ARHGAP39: variants seen among roughly 807,000 people sequenced by gnomAD.
ARHGAP39 encodes the protein rho GTPase-activating protein 39.
Under a neutral mutation model 106.9 loss-of-function variants are expected in ARHGAP39, and 44 were observed. That is an observed-to-expected ratio of 0.41 (90% CI 0.32 to 0.53). The LOEUF is 0.53. ARHGAP39 is among the 20% of genes least tolerant of loss of function. The pLI, the probability that ARHGAP39 is intolerant of heterozygous loss-of-function variation, is 0.21. For synonymous variants in ARHGAP39, 768 were observed against 693.2 expected, an observed-to-expected ratio of 1.11 and a Z score of -1.69; for missense variants, 1,496 against 1,577.3, an observed-to-expected ratio of 0.95 and a Z score of 0.87.
intron 4 of ARHGAP39, among the ~76,000 whole-genome samples, chr8:144,551,355 TAAG>T (rs1009216088): frequency 4.6e-5 from 7 of 151,926 alleles, no homozygotes; most frequent in Non-Finnish European, 1.0e-4. Context: ...TGAAGAAAGG[TAAG>T]AAGGCCAGAG....
rs1347508415 is a variant in ARHGAP39, at chr8:144,548,816, A to T, written c.597-327T>A. Among the ~76,000 whole-genome samples, 1 of 152,148 alleles carries T rather than the reference A, an allele frequency of 6.6e-6. No individual in the cohort carries two copies. ...ATGTGGGTGCTGTGCGGGTGTCTCCAGAGCTGCCTGAGCCGCCGGGCAGGC... is the reference window on the plus strand; with the variant it reads ...ATGTGGGTGCTGTGCGGGTGTCTCCTGAGCTGCCTGAGCCGCCGGGCAGGC... On this transcript the variant is annotated intron_variant, in intron 4 of 11. Coordinates refer to ENST00000377307, the MANE Select transcript of ARHGAP39 (RefSeq NM_025251.3). The surrounding 1 kb of genome is among the most constrained non-coding windows in gnomAD (Gnocchi z 7.4).
In ARHGAP39 at chr8:144,602,762, G is replaced by C. The variant is rs964884524; in HGVS notation, c.80+2773C>G. Among the ~76,000 whole-genome samples, 9 of 142,468 alleles carry C rather than the reference G, an allele frequency of 6.3e-5. No individual in the cohort carries two copies. In the Admixed American group the frequency reaches 6.5e-4, roughly 10 times the overall value. 93.5% of individuals were successfully genotyped at this position (142,468 alleles called of 152,430 possible). ...CATGGAGGCGTGTGTGTGAGCTCGT[G>C]TACCTGTGTGTATGTGCATGGAGGC... On this transcript the variant is annotated intron_variant, in intron 2 of 11. Coordinates refer to ENST00000377307, the MANE Select transcript of ARHGAP39 (RefSeq NM_025251.3).
chr8:144,694,713 T>C, the ARHGAP39 span, among the ~76,000 whole-genome samples: 1 of 152,200 alleles, frequency 6.6e-6, no homozygotes, highest in Non-Finnish European at 1.5e-5. Flanking sequence ...GCTGTTTTCA[T>C]GGCAGTGCGG....
chr8:144,658,513 G>C (rs1390208766), intron 1 of ARHGAP39, among the ~76,000 whole-genome samples: 1 of 152,200 alleles, frequency 6.6e-6, no homozygotes, highest in Non-Finnish European at 1.5e-5. Context: ...GACCTCAGGT[G>C]ATCTGCTCGC....
intron 1 of ARHGAP39, among the ~76,000 whole-genome samples, chr8:144,620,841 G>A (rs1027578542): frequency 1.4e-4 from 21 of 152,258 alleles, no homozygotes; most frequent in Admixed American, 1.2e-3. Context: ...AAGAGGGGCC[G>A]TGAGGACCGG....
At chr8:144,681,612 C>A (rs951202280) in intron 1 of ARHGAP39, among the ~76,000 whole-genome samples, 2 of 152,198 alleles carry the variant, frequency 1.3e-5, no homozygotes, top group Non-Finnish European at 2.9e-5. Flanking sequence ...ATTCTCTGAA[C>A]TACTATTGAT....
intron 1 of ARHGAP39, among the ~76,000 whole-genome samples, chr8:144,642,766 T>A (rs1821345241): frequency 6.6e-6 from 1 of 152,180 alleles, no homozygotes; most frequent in East Asian, 1.9e-4. Context: ...TGGTGAGGCC[T>A]CCCCAACTGT....
chr8:144,649,064 T>C (rs946535854), intron 1 of ARHGAP39, among the ~76,000 whole-genome samples: 6 of 150,822 alleles, frequency 4.0e-5, no homozygotes, highest in Non-Finnish European at 7.4e-5. Flanking sequence ...TGAGCAGGAG[T>C]TGGCTTCTTG....
At chr8:144,583,274 T>C (rs921111155) in intron 2 of ARHGAP39, among the ~76,000 whole-genome samples, 37 of 152,258 alleles carry the variant, frequency 2.4e-4, no homozygotes, top group African/African-American at 8.0e-4. Context: ...TCCTTTTATT[T>C]TTAAAGTTTT....
chr8:144,594,933 T>G (rs1465388230), intron 2 of ARHGAP39, among the ~76,000 whole-genome samples: 1 of 151,998 alleles, frequency 6.6e-6, no homozygotes, highest in African/African-American at 2.4e-5. Context: ...TCTCGGCACT[T>G]TGGGAGGCCG....
intron 1 of ARHGAP39, among the ~76,000 whole-genome samples, chr8:144,607,284 G>C (rs1233783279): frequency 6.7e-6 from 1 of 149,566 alleles, no homozygotes; most frequent in Admixed American, 6.6e-5. Context: ...AATGCACAGA[G>C]TACAGTTGCC....
chr8:144,632,291 T>G (rs1291165512), intron 1 of ARHGAP39, among the ~76,000 whole-genome samples: 5 of 152,078 alleles, frequency 3.3e-5, no homozygotes, highest in Admixed American at 2.0e-4. Flanking sequence ...CCACCTCCCG[T>G]CACTTGTCCA....
At chr8:144,566,314 C>T (rs1229023156) in intron 3 of ARHGAP39, among the ~76,000 whole-genome samples, 4 of 151,394 alleles carry the variant, frequency 2.6e-5, no homozygotes, top group Non-Finnish European at 5.9e-5. Context: ...CCTGCAAATC[C>T]AGTGCTTTGG....
At chr8:144,648,677 C>G (rs1645917272) in intron 1 of ARHGAP39, among the ~76,000 whole-genome samples, 1 of 152,228 alleles carries the variant, frequency 6.6e-6, no homozygotes, top group Non-Finnish European at 1.5e-5. Flanking sequence ...AGAGCCAGCT[C>G]AACCCTAGCT....
chr8:144,530,943 G>C, intron 10 of ARHGAP39, 72 bp from the exon 11 acceptor site: 1 of 1,518,848 alleles, frequency 6.6e-7, no homozygotes. Context: ...TCCCGTGGCG[G>C]ACATGCATGG....
chr8:144,594,957 G>A (rs1819554122), intron 2 of ARHGAP39, among the ~76,000 whole-genome samples: 1 of 152,086 alleles, frequency 6.6e-6, no homozygotes. Flanking sequence ...TGGGAGGATC[G>A]CTTCAGCCTG....
At chr8:144,546,403 T>C (rs1817423120) in intron 5 of ARHGAP39, among the ~76,000 whole-genome samples, 1 of 152,072 alleles carries the variant, frequency 6.6e-6, no homozygotes, top group Non-Finnish European at 1.5e-5. Context: ...TGCTCTGAGT[T>C]CTCCACCCTG....
intron 7 of ARHGAP39, 34 bp downstream of exon 7, chr8:144,537,687 C>T (rs556748601): frequency 2.0e-5 from 32 of 1,595,080 alleles, no homozygotes; most frequent in African/African-American, 9.4e-5. Flanking sequence ...GCTGTGCAGA[C>T]GCCGCGCCCA....
chr8:144,600,130 T>A (rs1292362801), intron 2 of ARHGAP39, among the ~76,000 whole-genome samples: 1 of 148,914 alleles, frequency 6.7e-6, no homozygotes, highest in African/African-American at 2.5e-5. Flanking sequence ...TAGAGACGAG[T>A]GTGCGAGCTC....
Sources: allele counts gnomAD v4.1 joint callset (sites outside exome capture counted in the v4.1 genomes callset), GRCh38; gene constraint gnomAD v4.1.1; non-coding constraint Gnocchi (gnomAD v3.1); transcripts MANE v1.5; gene names NCBI Gene and HGNC (gene_info 2026-07-23, HGNC 2026-07-21).